ABCB9: variants seen among roughly 807,000 people sequenced by gnomAD.
ABCB9 encodes ATP binding cassette subfamily B member 9, also known as ABC-type oligopeptide transporter ABCB9.
ABCB9 carries 36 observed loss-of-function variants against 62.0 expected under a neutral mutation model. The observed-to-expected ratio is 0.58, with a 90% CI of 0.45 to 0.77. The LOEUF (loss-of-function observed/expected upper bound fraction) is 0.77, where lower values mean the gene tolerates loss of function less well. Ranked by LOEUF, ABCB9 falls within the 30% of genes least tolerant of loss-of-function variation. The probability of loss-of-function intolerance (pLI) is 0.00; values close to 1 mark genes in which losing one functional copy is unlikely to be tolerated. For synonymous variants in ABCB9, 435 were observed against 461.4 expected, an observed-to-expected ratio of 0.94 and a Z score of 0.73; for missense variants, 943 against 1,054.7, an observed-to-expected ratio of 0.89 and a Z score of 1.47.
intron 2 of ABCB9, among the ~76,000 whole-genome samples, chr12:122,956,811 T>C (rs11060997): frequency 0.057 from 8,630 of 151,664 alleles, 574 homozygotes; most frequent in African/African-American, 0.16. Context: ...TGAGCCACTG[T>C]GCCCGGCTAA....
chr12:122,944,570 C>T lies in ABCB9; in HGVS notation c.1252-51G>A. 1.2e-6 allele frequency: 2 copies of T among 1,601,434 alleles called. No individual in the cohort carries two copies. The highest frequency in any genetic ancestry group is 1.7e-6 in the Non-Finnish European group (2 of 1,172,928). On this transcript the variant is annotated intron_variant, in intron 6 of 11. Coordinates refer to ENST00000280560, the MANE Select transcript of ABCB9 (RefSeq NM_019625.4). This position sits in a 1 kb window ranked among gnomAD's most constrained non-coding sequence, Gnocchi z 4.9. Reference sequence around the variant, plus strand: ...GGTCGAGGGGACCTTAGATCCCCCACCATCCCCATTCCCTGACCCATCCCA... The same window carrying T: ...GGTCGAGGGGACCTTAGATCCCCCATCATCCCCATTCCCTGACCCATCCCA...
In ABCB9 at chr12:122,961,853, C is replaced by G. The variant is rs566721074; in HGVS notation, c.-87-1531G>C. On this transcript the variant is annotated intron_variant, in intron 1 of 11. Coordinates refer to ENST00000280560, the MANE Select transcript of ABCB9 (RefSeq NM_019625.4). ...CAATGTGTCAGTTCTGGGCAGAGTG[C>G]CTGGTGCATAATTGCTGCTGATTGT... 5.3e-5 allele frequency among the ~76,000 whole-genome samples: 8 copies of G among 152,360 alleles called. No individual in the cohort carries two copies. The South Asian group carries it at 1.7e-3, about 32-fold the overall frequency.
At position 122,947,508 on chromosome 12, in the gene ABCB9, G is replaced by A. The variant is rs914406303; in HGVS notation, c.1053+1116C>T. On this transcript the variant is annotated intron_variant, in intron 5 of 11. Transcript: ENST00000280560. The surrounding 1 kb of genome is among the most constrained non-coding windows in gnomAD (Gnocchi z 6.0). ...CACCTGGAGGCCGTCATGCATCCAA[G>A]CCCCTGCTCTAGAAGTACCCCACGT... 6.6e-6 allele frequency: 3 copies of A among 454,080 alleles called. No individual in the cohort carries two copies. Among genetic ancestry groups the A allele is most frequent in the African/African-American group, 4.0e-5 (2 of 50,026 alleles). The allele number at this position is 454,080 out of a possible 1,614,324, so 28.1% of individuals were successfully genotyped here.
At chr12:122,919,999 C>T (rs2034711257), downstream of ABCB9, among the ~76,000 whole-genome samples, 3 of 151,772 alleles carry the variant, frequency 2.0e-5, no homozygotes, top group Admixed American at 6.6e-5. Flanking sequence ...CTCTGCCTCC[C>T]GGGTTCAAGT....
chr12:122,937,447 A>C (rs1161067098), intron 9 of ABCB9, among the ~76,000 whole-genome samples: 1 of 152,164 alleles, frequency 6.6e-6, no homozygotes, highest in Non-Finnish European at 1.5e-5. Context: ...ATATATGAAA[A>C]GGTGTTTAAT....
In ABCB9 at chr12:122,932,145, C is replaced by G. The variant is rs756392890; in HGVS notation, c.2040+47G>C. ...TGCTGGGCGATGGGGGCTCTGGCCA[C>G]CTGGAGCCGCTCCTGCCCCCGCATT... On this transcript the variant is annotated intron_variant, in intron 11 of 11. Transcript: ENST00000280560. The surrounding 1 kb of genome is among the most constrained non-coding windows in gnomAD (Gnocchi z 4.7). The G allele has an allele frequency of 5.2e-6, 8 of 1,550,310 alleles. No homozygotes were observed. The highest frequency in any genetic ancestry group is 7.0e-6 in the Non-Finnish European group (8 of 1,147,046).
chr12:122,939,877 G>A (rs529248785), intron 9 of ABCB9: 21 of 531,636 alleles, frequency 4.0e-5, no homozygotes, highest in East Asian at 2.0e-4. Context: ...TGTTGTCCAG[G>A]CTGGCCTCAA....
downstream of ABCB9, among the ~76,000 whole-genome samples, chr12:122,920,498 C>G (rs893070573): frequency 6.6e-6 from 1 of 152,174 alleles, no homozygotes; most frequent in Admixed American, 6.5e-5. Context: ...GTTCCCAGTG[C>G]TGTGCCACTT....
In ABCB9 at chr12:122,946,035, C is replaced by T. The variant is rs564835857; in HGVS notation, c.1241G>A (p.Trp414Ter). ...KEAAAYMYYVWGSGLTLLVVQ... is the reference protein window; with the variant it reads ...KEAAAYMYYV ...GCCAGGGGCACGTACCCCGCTGCCC[C>T]AGACGTAGTACATGTAGGCAGCTGC... The change falls in exon 6 of 12, where the codon TGG becomes TAG. Residue 414 changes from tryptophan to a stop codon, truncating the protein, a stop_gained. Coordinates refer to ENST00000280560, the MANE Select transcript of ABCB9 (RefSeq NM_019625.4). LOFTEE classifies it high-confidence loss of function. The T allele has an allele frequency of 1.9e-6, 3 of 1,613,762 alleles. No individual in the cohort carries two copies. Among genetic ancestry groups the T allele is most frequent in the East Asian group, 2.2e-5 (1 of 44,882 alleles).
chr12:122,940,795 C>A lies in ABCB9; in HGVS notation c.1569+12G>T. ...AAGGCTGATTCTGGCAGGCCTCAAG[C>A]CGCGCCCTCACCTGCAGGACCTGGG... On this transcript the variant is annotated intron_variant, in intron 8 of 11. Coordinates refer to ENST00000280560, the MANE Select transcript of ABCB9 (RefSeq NM_019625.4). This position sits in a 1 kb window ranked among gnomAD's most constrained non-coding sequence, Gnocchi z 4.8. 6.4e-7 allele frequency: 1 copy of A among 1,565,322 alleles called. No homozygotes were observed. Among genetic ancestry groups the A allele is most frequent in the South Asian group, 1.2e-5 (1 of 84,874 alleles).
intron 2 of ABCB9, among the ~76,000 whole-genome samples, chr12:122,956,787 T>G (rs967203567): frequency 6.6e-6 from 1 of 152,224 alleles, no homozygotes; most frequent in African/African-American, 2.4e-5. Flanking sequence ...CCCAAAGTGC[T>G]GGGATTATAG....
downstream of ABCB9, among the ~76,000 whole-genome samples, chr12:122,926,982 A>C (rs2034924519): frequency 6.6e-6 from 1 of 152,236 alleles, no homozygotes; most frequent in Non-Finnish European, 1.5e-5. Context: ...GACATTAGTA[A>C]GAAAACTAGT....
rs1297699489 is a variant in ABCB9 at position 122,945,647 on chromosome 12, G to A, written c.1251+378C>T. On this transcript the variant is annotated intron_variant, in intron 6 of 11. Transcript: ENST00000280560. ...AATCCCAGCACTTTGGGAGGCTGAT[G>A]CGGGTGGATCACCTGAGCTCAGGAG... 2.6e-5 allele frequency among the ~76,000 whole-genome samples: 4 copies of A among 152,188 alleles called. No homozygotes were observed. In the East Asian group the frequency reaches 5.8e-4, roughly 22 times the overall value.
chr12:122,956,116 C>T (rs982627765), intron 2 of ABCB9, among the ~76,000 whole-genome samples: 5 of 152,104 alleles, frequency 3.3e-5, no homozygotes, highest in East Asian at 1.9e-4. Context: ...ACTTTTGGGC[C>T]GCCCAGCATG....
intron 2 of ABCB9, among the ~76,000 whole-genome samples, chr12:122,958,407 A>C (rs2036723019): frequency 6.6e-6 from 1 of 152,192 alleles, no homozygotes; most frequent in Admixed American, 6.5e-5. Context: ...TGTTCTTTTG[A>C]TGTGCTTGTA....
At chr12:122,967,891 T>C (rs1258509679), upstream of ABCB9, among the ~76,000 whole-genome samples, 1 of 152,186 alleles carries the variant, frequency 6.6e-6, no homozygotes, top group Non-Finnish European at 1.5e-5. Flanking sequence ...CTTACAACAC[T>C]ATGTTTTTTT....
intron 2 of ABCB9, among the ~76,000 whole-genome samples, chr12:122,956,023 T>C (rs1465656589): frequency 6.6e-6 from 1 of 152,196 alleles, no homozygotes; most frequent in South Asian, 2.1e-4. Context: ...GAACATATGA[T>C]TTTTATGTCA....
chr12:122,920,255 GA>G (rs769655044), downstream of ABCB9, among the ~76,000 whole-genome samples: 4 of 151,744 alleles, frequency 2.6e-5, no homozygotes, highest in Non-Finnish European at 5.9e-5. Flanking sequence ...AACCATTGGC[GA>G]TGCTTCTTTC....
intron 2 of ABCB9, among the ~76,000 whole-genome samples, chr12:122,954,070 G>A (rs1220005713): frequency 1.3e-5 from 2 of 151,902 alleles, no homozygotes; most frequent in East Asian, 1.9e-4. Context: ...TTGGGAGGCC[G>A]AGGTGGGAGG....
Sources: gnomAD v4.1 joint callset for allele counts (sites outside exome capture counted in the v4.1 genomes callset) on GRCh38, gnomAD v4.1.1 for gene constraint, Gnocchi (gnomAD v3.1) non-coding constraint, MANE v1.5 for transcripts, NCBI Gene and HGNC (gene_info 2026-07-23, HGNC 2026-07-21) for gene names.